HAUS1: variants seen among roughly 807,000 people sequenced by gnomAD.
HAUS1 encodes HAUS augmin-like complex subunit 1.
A neutral mutation model predicts 38.6 loss-of-function variants in HAUS1; 25 were observed. The ratio of observed to expected loss-of-function variants is 0.65; its 90% CI spans 0.47 to 0.91. HAUS1 has a LOEUF of 0.91. Among genes scored for constraint, HAUS1 ranks in the 40% least tolerant of loss-of-function variants. The pLI is 0.00. For synonymous variants in HAUS1, 109 were observed against 112.9 expected (o/e 0.97, Z 0.22); for missense variants, 325 against 328.4 (o/e 0.99, Z 0.08).
chr18:46,113,088 A>AATATATATATTCCATATATATATATC (rs1911716542), intron 2 of HAUS1, among the ~76,000 whole-genome samples: 61 of 78,658 alleles, frequency 7.8e-4, no homozygotes, highest in Middle Eastern at 7.0e-3. Flanking sequence ...ATATATATAT[A>AATATATATATTCCATATATATATATC]TATTTTTTGA....
chr18:46,112,973 A>C (rs1338311335), intron 2 of HAUS1, among the ~76,000 whole-genome samples: 1 of 73,046 alleles, frequency 1.4e-5, no homozygotes, highest in African/African-American at 7.9e-5. Context: ...TATATATTCC[A>C]TATTATATAT....
chr18:46,123,229 A>G (rs955098120), intron 5 of HAUS1, 70 bp from the exon 6 acceptor site: 6 of 1,096,770 alleles, frequency 5.5e-6, no homozygotes, highest in African/African-American at 1.6e-5. Context: ...AAGAAGAAAA[A>G]GAAAAATATT....
intron 3 of HAUS1, 73 bp downstream of exon 3, chr18:46,118,389 A>G: frequency 7.1e-7 from 1 of 1,414,210 alleles, no homozygotes; most frequent in Non-Finnish European, 9.8e-7. Context: ...TGTTCTCAGC[A>G]TAATTCTATA....
intron 3 of HAUS1, chr18:46,118,529 T>G: frequency 3.8e-6 from 2 of 519,696 alleles, no homozygotes; most frequent in Non-Finnish European, 6.8e-6. Context: ...ATTAGATTTA[T>G]GAAGGGTGGT....
intron 4 of HAUS1, among the ~76,000 whole-genome samples, chr18:46,121,098 T>A (rs1385552591): frequency 6.6e-6 from 1 of 152,248 alleles, no homozygotes; most frequent in Admixed American, 6.5e-5. Context: ...GCACAAGTAA[T>A]TTGACGGTAT....
At chr18:46,109,181 C>T (rs1339010415) in intron 2 of HAUS1, among the ~76,000 whole-genome samples, 1 of 151,956 alleles carries the variant, frequency 6.6e-6, no homozygotes, top group East Asian at 1.9e-4. Flanking sequence ...GGAAGCAAGG[C>T]ACGTCTTACT....
chr18:46,118,065 A>G, intron 2 of HAUS1, 116 bp from the exon 3 acceptor site: 1 of 930,626 alleles, frequency 1.1e-6, no homozygotes, highest in South Asian at 1.6e-5. Context: ...AAGCCACTGA[A>G]TTACATACAT....
At chr18:46,107,295 GAGCCCAGAAAAATCTCATTTTATA>G (rs1179775096) in intron 2 of HAUS1, among the ~76,000 whole-genome samples, 1 of 152,026 alleles carries the variant, frequency 6.6e-6, no homozygotes, top group Non-Finnish European at 1.5e-5. Context: ...AAGGGACTTG[GAGCCCAGAAAAATCTCATTTTATA>G]AGAGCTTTCT....
chr18:46,111,885 CTTTTTTTTT>C (rs370593835), intron 2 of HAUS1, among the ~76,000 whole-genome samples: 1 of 134,426 alleles, frequency 7.4e-6, no homozygotes, highest in Non-Finnish European at 1.6e-5. Flanking sequence ...CTTTTCTTTT[CTTTTTTTTT>C]TTTTTTTATG....
intron 7 of HAUS1, among the ~76,000 whole-genome samples, chr18:46,125,408 G>A (rs1194066419): frequency 6.6e-6 from 1 of 152,010 alleles, no homozygotes; most frequent in Non-Finnish European, 1.5e-5. Flanking sequence ...AATTAGCAGG[G>A]CGTGGTGGTG....
intron 2 of HAUS1, among the ~76,000 whole-genome samples, chr18:46,114,018 T>A (rs1911741034): frequency 6.6e-6 from 1 of 152,210 alleles, no homozygotes; most frequent in African/African-American, 2.4e-5. Flanking sequence ...TTCCACTAAT[T>A]TACAGCTGTT....
At chr18:46,105,596 A>ATG (rs1911449226) in intron 2 of HAUS1, among the ~76,000 whole-genome samples, 1 of 127,978 alleles carries the variant, frequency 7.8e-6, no homozygotes, top group Non-Finnish European at 1.7e-5. Flanking sequence ...GTGTGTGTAT[A>ATG]TATTTTAGAC....
At chr18:46,127,478 G>A (rs957430974) in intron 8 of HAUS1, among the ~76,000 whole-genome samples, 1 of 151,906 alleles carries the variant, frequency 6.6e-6, no homozygotes, top group Non-Finnish European at 1.5e-5. Context: ...AGGCCAAGTG[G>A]GTGGATCAAA....
At chr18:46,126,799 ATTTT>A (rs762673483) in intron 8 of HAUS1, 2 of 133,434 alleles carry the variant, frequency 1.5e-5, no homozygotes, top group African/African-American at 5.5e-5. Flanking sequence ...TAATTTTTGC[ATTTT>A]TATTTATTTA....
At chr18:46,107,939 A>G (rs980608271) in intron 2 of HAUS1, among the ~76,000 whole-genome samples, 2 of 152,072 alleles carry the variant, frequency 1.3e-5, no homozygotes, top group Non-Finnish European at 2.9e-5. Context: ...TCCTGGGTTC[A>G]AGTGATCCTC....
chr18:46,107,664 C>A (rs143955201), intron 2 of HAUS1, among the ~76,000 whole-genome samples: 2 of 152,142 alleles, frequency 1.3e-5, no homozygotes, highest in African/African-American at 4.8e-5. Flanking sequence ...CCTCCATTTG[C>A]GATTCTAAAA....
At chr18:46,110,152 C>CTTTTTTTTT (rs869105132) in intron 2 of HAUS1, among the ~76,000 whole-genome samples, 1 of 115,338 alleles carries the variant, frequency 8.7e-6, no homozygotes, top group African/African-American at 3.5e-5. Context: ...TTATTTTGTC[C>CTTTTTTTTT]TTTTTTTTTT....
intron 2 of HAUS1, among the ~76,000 whole-genome samples, chr18:46,112,920 A>G (rs1431976312): frequency 8.8e-6 from 1 of 113,318 alleles, no homozygotes; most frequent in African/African-American, 3.8e-5. Context: ...AATATATATA[A>G]TGTGTATATA....
chr18:46,117,844 G>A (rs9304330), intron 2 of HAUS1, among the ~76,000 whole-genome samples: 51,474 of 151,914 alleles, frequency 0.34, 9,474 homozygotes, highest in Middle Eastern at 0.51. Context: ...TACTCAGGAG[G>A]CTGAGGCAGG....
Sources: gnomAD v4.1 joint callset for allele counts (sites outside exome capture counted in the v4.1 genomes callset) on GRCh38, gnomAD v4.1.1 for gene constraint, MANE v1.5 for transcripts, NCBI Gene and HGNC (gene_info 2026-07-23, HGNC 2026-07-21) for gene names.